The following LAMB1 variants were observed in gnomAD, a reference collection of about 807,000 sequenced individuals.
The protein encoded by LAMB1 is laminin subunit beta-1.
LAMB1 carries 121 observed loss-of-function variants against 222.3 expected under a neutral mutation model. The ratio of observed to expected loss-of-function variants is 0.54; its 90% CI spans 0.47 to 0.63. LAMB1 has a LOEUF of 0.63. Among genes scored for constraint, LAMB1 ranks in the 30% least tolerant of loss-of-function variants. LAMB1 has a pLI of 0.00. For synonymous variants in LAMB1, 794 were observed against 807.2 expected (o/e 0.98, Z 0.28); for missense variants, 2,172 against 2,240.8 (o/e 0.97, Z 0.62).
Position 107,964,534 on chromosome 7 carries a change from AC to A in LAMB1, c.1698+17del, listed in dbSNP as rs766322807. On this transcript the variant is annotated intron_variant, in intron 14 of 33. Transcript: ENST00000222399. ...CAAAACACTGCTTTACCGACCTGCC[AC>A]ACACTCCCCTACTCACAGGCCCCAA... 8 of 1,614,070 alleles carry A rather than the reference AC, an allele frequency of 5.0e-6. No homozygotes were observed. In the South Asian group the frequency reaches 7.7e-5, roughly 16 times the overall value.
rs138594589 is a variant in LAMB1, at chr7:107,981,148, A to C, written c.677-337T>G. 8.0e-3 allele frequency among the ~76,000 whole-genome samples: 1,215 copies of C among 152,130 alleles called. 24 individuals carry two copies. Among genetic ancestry groups the C allele is most frequent in the African/African-American group, 0.028 (1,146 of 41,492 alleles). On this transcript the variant is annotated intron_variant, in intron 7 of 33. Transcript: ENST00000222399. ...CCAACATGGCAAAACCCCATCTCTAAAAAAATACAAAAATTAGACCGGGCG... is the reference window on the plus strand; with the variant it reads ...CCAACATGGCAAAACCCCATCTCTACAAAAATACAAAAATTAGACCGGGCG...
At position 108,001,704 on chromosome 7, in the gene LAMB1, C is replaced by T. The variant is rs866410133; in HGVS notation, c.67G>A (p.Glu23Lys). 12 of 1,612,792 alleles carry T rather than the reference C, an allele frequency of 7.4e-6. No individual in the cohort carries two copies. The Middle Eastern group carries it at 1.8e-3, about 244-fold the overall frequency. ...ALCRARVRAQEPEFSYGCAEG... is the reference protein window; with the variant it reads ...ALCRARVRAQKPEFSYGCAEG... Reference sequence around the variant, plus strand: ...GCGCAGCCGTAGCTGAACTCGGGTTCCTGAGCGCGCACTCGGGCTCTGCAC... The same window carrying T: ...GCGCAGCCGTAGCTGAACTCGGGTTTCTGAGCGCGCACTCGGGCTCTGCAC... Residue 23 changes from glutamate (E) to lysine (K), a missense_variant, in exon 3 of 34, where the codon GAA (glutamate) becomes AAA (lysine). Physicochemically the swap from Glu to Lys is moderately conservative, Grantham distance 56. Transcript: ENST00000222399.
chr7:107,927,971 G>A (rs1011480599), intron 31 of LAMB1, among the ~76,000 whole-genome samples: 3 of 152,110 alleles, frequency 2.0e-5, no homozygotes, highest in African/African-American at 7.2e-5. Flanking sequence ...GGGTATGGGA[G>A]CATTTAATTT....
Position 107,980,692 on chromosome 7 carries a change from C to T in LAMB1, c.796G>A (p.Val266Met), listed in dbSNP as rs2033955152. The change falls in exon 8 of 34, where the codon GTG becomes ATG. Residue 266 changes from valine (V) to methionine (M), a missense_variant. Val to Met is a conservative substitution (Grantham distance 21, BLOSUM62 1). Transcript: ENST00000222399. ...TAGCAGAAGCAATTTCCTCGAACCA[C>T]CATATCATAAACTGCATAATAATAC... is the stretch of plus-strand genomic sequence containing the variant. ...EKYYYAVYDMVVRGNCFCYGH... is the reference protein window; with the variant it reads ...EKYYYAVYDMMVRGNCFCYGH... The T allele has an allele frequency of 6.2e-7, 1 of 1,613,958 alleles. No homozygotes were observed. The highest frequency in any genetic ancestry group is 8.5e-7 in the Non-Finnish European group (1 of 1,179,882).
At chr7:107,938,089 A>AT (rs1357127103) in intron 25 of LAMB1, among the ~76,000 whole-genome samples, 1 of 152,060 alleles carries the variant, frequency 6.6e-6, no homozygotes, top group African/African-American at 2.4e-5. Context: ...ATTTGAGCAG[A>AT]TTTTACCTCT....
intron 24 of LAMB1, among the ~76,000 whole-genome samples, chr7:107,946,955 A>G (rs979979539): frequency 5.9e-5 from 9 of 152,324 alleles, no homozygotes; most frequent in Middle Eastern, 3.4e-3. Context: ...CCCTTTTCCA[A>G]GAGCCAGAGG....
intron 20 of LAMB1, among the ~76,000 whole-genome samples, chr7:107,958,041 G>A (rs1456413108): frequency 6.6e-6 from 1 of 152,156 alleles, no homozygotes; most frequent in Non-Finnish European, 1.5e-5. Context: ...CATTGTGGCA[G>A]CTCCCTTTGC....
chr7:107,959,651 A>T (rs1361931754), intron 19 of LAMB1, 40 bp downstream of exon 19: 1 of 1,614,214 alleles, frequency 6.2e-7, no homozygotes, highest in Non-Finnish European at 8.5e-7. Flanking sequence ...TGGCTGAGTT[A>T]ATCTGAATGA....
chr7:107,955,324 A>G (rs2150424330), intron 21 of LAMB1, 143 bp downstream of exon 21: 1 of 706,442 alleles, frequency 1.4e-6, no homozygotes, highest in Non-Finnish European at 2.2e-6. Flanking sequence ...AAATAGGAAA[A>G]GAGCATCTTT....
chr7:107,962,394 A>G (rs1261032369), intron 15 of LAMB1, among the ~76,000 whole-genome samples: 1 of 152,102 alleles, frequency 6.6e-6, no homozygotes, highest in Non-Finnish European at 1.5e-5. Context: ...AAAGATCACT[A>G]CGTTTGAGAA....
intron 18 of LAMB1, 63 bp from the exon 19 acceptor site, chr7:107,959,897 T>A (rs1584507603): frequency 6.5e-7 from 1 of 1,547,966 alleles, no homozygotes; most frequent in African/African-American, 1.4e-5. Context: ...CTCTCCCTGA[T>A]CCTTTCTCCT....
At chr7:107,997,856 T>C (rs2034309467) in intron 4 of LAMB1, among the ~76,000 whole-genome samples, 2 of 152,178 alleles carry the variant, frequency 1.3e-5, no homozygotes, top group African/African-American at 4.8e-5. Context: ...CTTGGGGTCA[T>C]ATCCATGTTG....
At chr7:107,941,416 T>C (rs937401951) in intron 24 of LAMB1, among the ~76,000 whole-genome samples, 2 of 152,238 alleles carry the variant, frequency 1.3e-5, no homozygotes, top group African/African-American at 4.8e-5. Flanking sequence ...TACTATCTTA[T>C]TTCCCTAACT....
At chr7:107,944,732 G>C (rs1032386802) in intron 24 of LAMB1, among the ~76,000 whole-genome samples, 4 of 152,168 alleles carry the variant, frequency 2.6e-5, no homozygotes, top group Non-Finnish European at 4.4e-5. Flanking sequence ...AATATTTTCA[G>C]TGAAACTCCC....
chr7:107,967,010 C>T (rs530710076), intron 13 of LAMB1, among the ~76,000 whole-genome samples: 2 of 152,214 alleles, frequency 1.3e-5, no homozygotes, highest in Non-Finnish European at 2.9e-5. Context: ...ATGGCCCTCA[C>T]CCTACAGCTC....
At chr7:107,960,737 G>T in intron 17 of LAMB1, 88 bp from the exon 18 acceptor site, 1 of 1,047,272 alleles carries the variant, frequency 9.5e-7, no homozygotes, top group Non-Finnish European at 1.5e-6. Context: ...AAACCCAAAT[G>T]CTTCTTTGAC....
chr7:107,940,436 A>C, intron 24 of LAMB1, 78 bp from the exon 25 acceptor site: 11 of 1,442,512 alleles, frequency 7.6e-6, no homozygotes, highest in Non-Finnish European at 1.0e-5. Context: ...TAGAATACTC[A>C]CTTCACTGTG....
Position 107,975,813 on chromosome 7 carries a change from C to T in LAMB1, c.1065G>A (p.Gly355=). The T allele has an allele frequency of 6.2e-7, 1 of 1,614,042 alleles. No homozygotes were observed. Among genetic ancestry groups the T allele is most frequent in the Non-Finnish European group, 8.5e-7 (1 of 1,180,022 alleles). Reference sequence around the variant, plus strand: ...CATCACACACGCCTCCGCTGACGTTCCCCGTGGCCAGGTAAACAGCCATGT... The same window carrying T: ...CATCACACACGCCTCCGCTGACGTTTCCCGTGGCCAGGTAAACAGCCATGT... ...HFDMAVYLAT[G]NVSGGVCDDC... The change falls in exon 10 of 34, where the codon GGG becomes GGA. Residue 355 remains glycine (G), a synonymous_variant. Transcript: ENST00000222399.
chr7:107,959,960 G>T, intron 18 of LAMB1, 126 bp from the exon 19 acceptor site: 2 of 1,302,402 alleles, frequency 1.5e-6, no homozygotes, highest in South Asian at 3.0e-5. Flanking sequence ...TCATCCCTAT[G>T]ATGAGCGGAA....
Sources: gnomAD v4.1 joint callset for allele counts (sites outside exome capture counted in the v4.1 genomes callset) on GRCh38, gnomAD v4.1.1 for gene constraint, MANE v1.5 for transcripts, NCBI Gene and HGNC (gene_info 2026-07-23, HGNC 2026-07-21) for gene names.